The following DUSP4 variants were observed in gnomAD, a reference collection of about 807,000 sequenced individuals.
The protein encoded by DUSP4 is dual specificity phosphatase 4, also known as dual specificity protein phosphatase 4.
A neutral mutation model predicts 27.2 loss-of-function variants in DUSP4; 12 were observed. The ratio of observed to expected loss-of-function variants is 0.44; its 90% CI spans 0.28 to 0.71. The LOEUF (loss-of-function observed/expected upper bound fraction) is 0.71, where lower values mean the gene tolerates loss of function less well. Ranked by LOEUF, DUSP4 falls within the 30% of genes least tolerant of loss-of-function variation. The pLI, the probability that DUSP4 is intolerant of heterozygous loss-of-function variation, is 0.14. For synonymous variants in DUSP4, 257 were observed against 245.2 expected, an observed-to-expected ratio of 1.05 and a Z score of -0.45; for missense variants, 448 against 551.3, an observed-to-expected ratio of 0.81 and a Z score of 1.88.
chr8:29,348,869 G>T, intron 1 of DUSP4: 1 of 894,858 alleles, frequency 1.1e-6, no homozygotes. Context: ...GGCGGCGGGA[G>T]GCGGAGGCGC....
chr8:29,339,682 A>T (rs1817627276), intron 2 of DUSP4, among the ~76,000 whole-genome samples: 1 of 152,158 alleles, frequency 6.6e-6, no homozygotes, highest in Non-Finnish European at 1.5e-5. Context: ...CATTCTCCCC[A>T]AATTGAGGCA....
Position 29,340,357 on chromosome 8 carries a change from C to T in DUSP4, c.434-114G>A, listed in dbSNP as rs545204242. On this transcript the variant is annotated intron_variant, in intron 1 of 3. Coordinates refer to ENST00000240100, the MANE Select transcript of DUSP4 (RefSeq NM_001394.7). ...TGCTAGGAAGGCAGGGGCTGGCGTG[C>T]TCCATATTGGCCACTAGGTGGCGCT... The T allele has an allele frequency of 3.4e-5, 47 of 1,369,834 alleles. No homozygotes were observed. In the East Asian group the frequency reaches 1.1e-3, roughly 33 times the overall value. The allele number at this position is 1,369,834 out of a possible 1,614,324, so 84.9% of individuals were successfully genotyped here.
chr8:29,350,381 C>T lies in DUSP4; in HGVS notation c.-103G>A. ...GGCGAGAGCTAAGAAGGGACGCCTG[C>T]AGAAGTGGCCGCAAACTTGGTCCTC... is the stretch of plus-strand genomic sequence containing the variant. On this transcript the variant is annotated 5_prime_UTR_variant, in exon 1 of 4. Coordinates refer to ENST00000240100, the MANE Select transcript of DUSP4 (RefSeq NM_001394.7). 1.5e-6 allele frequency: 2 copies of T among 1,378,756 alleles called. No homozygotes were observed. The highest frequency in any genetic ancestry group is 1.9e-6 in the Non-Finnish European group (2 of 1,046,200). 85.4% of individuals were successfully genotyped at this position (1,378,756 alleles called of 1,614,324 possible).
At position 29,336,900 on chromosome 8, in the gene DUSP4, G is replaced by A; in HGVS notation, c.*126C>T. 1 of 1,375,970 alleles carries A rather than the reference G, an allele frequency of 7.3e-7. No homozygotes were observed. The highest frequency in any genetic ancestry group is 9.6e-7 in the Non-Finnish European group (1 of 1,046,280). The allele number at this position is 1,375,970 out of a possible 1,614,324, so 85.2% of individuals were successfully genotyped here. On this transcript the variant is annotated 3_prime_UTR_variant, in exon 4 of 4. Transcript: ENST00000240100. ...TCTGGCTGGCCTCGTCGTTGGCCAA[G>A]GAGAAATGATGGGGAAGGAGCTCGG...
Position 29,350,505 on chromosome 8 carries a change from G to T in DUSP4, c.-227C>A, listed in dbSNP as rs540680287. On this transcript the variant is annotated 5_prime_UTR_variant, in exon 1 of 4. Transcript: ENST00000240100. ...AGCGGCCTCGGGCGCCCAGCCGGGC[G>T]GCGCGCAGAGCGGAGGGGGAGGCGC... The T allele has an allele frequency of 5.3e-6, 3 of 560,748 alleles. No individual in the cohort carries two copies. In the East Asian group the frequency reaches 9.4e-5, roughly 18 times the overall value. 34.7% of individuals were successfully genotyped at this position (560,748 alleles called of 1,614,324 possible). A position where few individuals can be genotyped will look rare whatever the true frequency, so the allele number is the denominator to read the frequency against.
chr8:29,345,757 C>T, intron 1 of DUSP4: 1 of 1,311,348 alleles, frequency 7.6e-7, no homozygotes, highest in Non-Finnish European at 9.6e-7. Context: ...GGTCAAATTT[C>T]ACTCTCAATT....
chr8:29,349,951 C>T lies in DUSP4; in HGVS notation c.328G>A (p.Glu110Lys). Residue 110 changes from glutamate (E) to lysine (K), a missense_variant, in exon 1 of 4, where the codon GAG becomes AAG. Physicochemically the swap from Glu to Lys is moderately conservative, Grantham distance 56 (BLOSUM62 1). This residue lies in a region of DUSP4 where 345 missense variants were observed against 394.0 expected (regional missense o/e 0.88). Transcript: ENST00000240100. ...AGGCTCTCGGCGCGCGGGCTGCGCT[C>T]GTCGTAGACGATGACCGCCGAGTAG... is the stretch of plus-strand genomic sequence containing the variant. ...GLYSAVIVYD[E>K]RSPRAESLRE... The T allele has an allele frequency of 6.3e-7, 1 of 1,593,238 alleles. No homozygotes were observed.
In DUSP4 at chr8:29,350,639, T is replaced by G; in HGVS notation, c.-361A>C. On this transcript the variant is annotated 5_prime_UTR_variant, in exon 1 of 4. Coordinates refer to ENST00000240100, the MANE Select transcript of DUSP4 (RefSeq NM_001394.7). ...CTCCTGTCGCCACTGGCGCCAGCGC[T>G]GCCCTGCCTACGCTCCTCCGGCGCT... The G allele has an allele frequency of 4.0e-6, 1 of 252,466 alleles. No homozygotes were observed. Among genetic ancestry groups the G allele is most frequent in the East Asian group, 1.0e-4 (1 of 9,972 alleles). The allele number at this position is 252,466 out of a possible 1,614,324, so 15.6% of individuals were successfully genotyped here. A position where few individuals can be genotyped will look rare whatever the true frequency, so the allele number is the denominator to read the frequency against.
Position 29,350,502 on chromosome 8 carries a change from G to C in DUSP4, c.-224C>G, listed in dbSNP as rs1817807833. The C allele has an allele frequency of 7.1e-6, 4 of 562,454 alleles. 1 individual carries two copies. In the South Asian group the frequency reaches 1.1e-4, roughly 16 times the overall value. The allele number at this position is 562,454 out of a possible 1,614,324, so 34.8% of individuals were successfully genotyped here. A position where few individuals can be genotyped will look rare whatever the true frequency, so the allele number is the denominator to read the frequency against. On this transcript the variant is annotated 5_prime_UTR_variant, in exon 1 of 4. Transcript: ENST00000240100. ...CGGAGCGGCCTCGGGCGCCCAGCCG[G>C]GCGGCGCGCAGAGCGGAGGGGGAGG...
intron 2 of DUSP4, among the ~76,000 whole-genome samples, chr8:29,339,837 C>CG (rs976129234): frequency 7.1e-5 from 10 of 140,474 alleles, no homozygotes; most frequent in Admixed American, 2.1e-4. Context: ...GACCCCCCCC[C>CG]CCCATCTCTA....
chr8:29,340,356 G>C, intron 1 of DUSP4, 113 bp from the exon 2 acceptor site: 1 of 1,368,854 alleles, frequency 7.3e-7, no homozygotes, highest in Non-Finnish European at 9.7e-7. Flanking sequence ...GGGCTGGCGT[G>C]CTCCATATTG....
chr8:29,348,607 G>A (rs1817772246), intron 1 of DUSP4: 2 of 985,436 alleles, frequency 2.0e-6, no homozygotes, highest in Non-Finnish European at 1.2e-6. Flanking sequence ...GTCCGGCAGG[G>A]GCGAACCCGG....
rs965334546 is a variant in DUSP4, at chr8:29,337,561, A to G, written c.800-150T>C. 1.1e-5 allele frequency: 12 copies of G among 1,105,828 alleles called. No individual in the cohort carries two copies. The highest frequency in any genetic ancestry group is 3.2e-5 in the African/African-American group (2 of 63,312). 68.5% of individuals were successfully genotyped at this position (1,105,828 alleles called of 1,614,324 possible). A position where few individuals can be genotyped will look rare whatever the true frequency, so the allele number is the denominator to read the frequency against. ...GGAGAGGAAGAAAACCCATGTAGGCAGGTCTCTAGAATGCCCCCAATTCTG... is the reference window on the plus strand; with the variant it reads ...GGAGAGGAAGAAAACCCATGTAGGCGGGTCTCTAGAATGCCCCCAATTCTG... On this transcript the variant is annotated intron_variant, in intron 3 of 3. Transcript: ENST00000240100. This position sits in a 1 kb window ranked among gnomAD's most constrained non-coding sequence, Gnocchi z 6.4.
intron 1 of DUSP4, among the ~76,000 whole-genome samples, chr8:29,344,004 C>T (rs1222433914): frequency 6.6e-6 from 1 of 152,158 alleles, no homozygotes; most frequent in Admixed American, 6.5e-5. Flanking sequence ...AAAGGGAAAG[C>T]TTATTCTCAT....
intron 1 of DUSP4, among the ~76,000 whole-genome samples, chr8:29,344,712 G>A (rs561756456): frequency 2.0e-5 from 3 of 152,290 alleles, no homozygotes; most frequent in South Asian, 4.1e-4. Context: ...GCAGGAGTAG[G>A]AGATAATGTA....
chr8:29,339,185 A>C (rs1382763077), intron 2 of DUSP4, among the ~76,000 whole-genome samples: 1 of 152,236 alleles, frequency 6.6e-6, no homozygotes, highest in Non-Finnish European at 1.5e-5. Context: ...TCTGTCTCTA[A>C]AAATAAACAA....
chr8:29,349,093 G>A (rs1310799106), intron 1 of DUSP4, among the ~76,000 whole-genome samples: 6 of 152,164 alleles, frequency 3.9e-5, no homozygotes, highest in Admixed American at 2.0e-4. Flanking sequence ...GGCACGCGCC[G>A]CCATCAGATA....
rs769874945 is a variant in DUSP4, at chr8:29,340,194, G to A, written c.483C>T (p.Thr161=). 9 of 1,613,596 alleles carry A rather than the reference G, an allele frequency of 5.6e-6. No individual in the cohort carries two copies. In the East Asian group the frequency reaches 1.3e-4, roughly 24 times the overall value. ...SSEYPEFCSK[T]KALAAIPPPV... is the part of the protein sequence containing the mutation. The stretch of plus-strand genomic sequence containing the variant: ...GGGGTGGGATGGCTGCCAGGGCCTT[G>A]GTTTTAGAACAGAATTCTGGGTACT... The change falls in exon 2 of 4, where the codon ACC becomes ACT. Residue 161 remains threonine, a synonymous_variant. Transcript: ENST00000240100.
chr8:29,344,894 G>A (rs1364624711), intron 1 of DUSP4, among the ~76,000 whole-genome samples: 3 of 151,560 alleles, frequency 2.0e-5, no homozygotes, highest in African/African-American at 7.3e-5. Flanking sequence ...AGGCTGCAGT[G>A]CAGTGGCACG....
Sources: gnomAD v4.1 joint callset for allele counts (sites outside exome capture counted in the v4.1 genomes callset) on GRCh38, gnomAD v4.1.1 for gene constraint, gnomAD v4.1.1 regional missense constraint, Gnocchi (gnomAD v3.1) non-coding constraint, MANE v1.5 for transcripts, NCBI Gene and HGNC (gene_info 2026-07-23, HGNC 2026-07-21) for gene names.